Variants in CR1 observed in about 807,000 individuals in gnomAD.
CR1 encodes complement receptor type 1.
In CR1, 116 loss-of-function variants were observed where a neutral mutation model predicts 187.3. The observed-to-expected ratio is 0.62, with a 90% CI of 0.53 to 0.72. CR1 has a LOEUF of 0.72. Among genes scored for constraint, CR1 ranks in the 30% least tolerant of loss-of-function variants. The probability of loss-of-function intolerance (pLI) is 0.00; values close to 1 mark genes in which losing one functional copy is unlikely to be tolerated. For synonymous variants in CR1, 576 were observed against 747.1 expected (o/e 0.77, Z 3.73); for missense variants, 1,731 against 2,110.7 (o/e 0.82, Z 3.52).
chr1:207,608,937 T>A (rs185263292), intron 36 of CR1, among the ~76,000 whole-genome samples: 43 of 152,290 alleles, frequency 2.8e-4, no homozygotes, highest in African/African-American at 9.9e-4. Context: ...AGTGGTATAT[T>A]TAAACTGCAA....
intron 3 of CR1, among the ~76,000 whole-genome samples, chr1:207,510,878 G>A (rs923688504): frequency 1.1e-4 from 16 of 149,070 alleles, no homozygotes; most frequent in African/African-American, 3.7e-4. Flanking sequence ...CTGGAGTGCA[G>A]TGGCATGATC....
At chr1:207,580,124 T>C in intron 29 of CR1, 116 bp from the exon 30 acceptor site, 1 of 1,444,798 alleles carries the variant, frequency 6.9e-7, no homozygotes, top group Non-Finnish European at 9.4e-7. Flanking sequence ...ATTTGGGGCC[T>C]TGTGCTAGGG....
At chr1:207,517,459 C>A (rs1448110416) in intron 4 of CR1, among the ~76,000 whole-genome samples, 4 of 151,968 alleles carry the variant, frequency 2.6e-5, no homozygotes, top group Non-Finnish European at 4.4e-5. Flanking sequence ...CTCAAGAGAT[C>A]TTGGGTTATA....
At position 207,575,715 on chromosome 1, in the gene CR1, A is replaced by T. The variant is rs367918864; in HGVS notation, c.4537+35A>T. 100 of 1,611,442 alleles carry T rather than the reference A, an allele frequency of 6.2e-5. 1 individual carries two copies. In the South Asian group the frequency reaches 1.1e-3, roughly 18 times the overall value. Reference sequence around the variant, plus strand: ...AATCTCTTTCCCCATTCACCCCACCATTGAATCCTAGAGTTGTCCTCCTAG... The same window carrying T: ...AATCTCTTTCCCCATTCACCCCACCTTTGAATCCTAGAGTTGTCCTCCTAG... On this transcript the variant is annotated intron_variant, in intron 28 of 46. Transcript: ENST00000367049.
intron 28 of CR1, among the ~76,000 whole-genome samples, chr1:207,576,913 G>A (rs1053612833): frequency 7.9e-5 from 12 of 152,156 alleles, no homozygotes; most frequent in Admixed American, 7.2e-4. Flanking sequence ...ATTAATAATG[G>A]TGAGATAACA....
chr1:207,498,488 C>T (rs1184884935), intron 1 of CR1, among the ~76,000 whole-genome samples: 5 of 151,976 alleles, frequency 3.3e-5, no homozygotes, highest in African/African-American at 4.8e-5. Context: ...ATAGATATTG[C>T]AAATGTAGGA....
chr1:207,623,211 T>C (rs1217826481), intron 45 of CR1, 143 bp downstream of exon 45: 1 of 611,416 alleles, frequency 1.6e-6, no homozygotes, highest in Non-Finnish European at 2.9e-6. Context: ...ACACACAGTA[T>C]AGACAAAGAG....
At chr1:207,620,520 G>C (rs1227118524) in intron 43 of CR1, among the ~76,000 whole-genome samples, 1 of 152,172 alleles carries the variant, frequency 6.6e-6, no homozygotes, top group Admixed American at 6.5e-5. Context: ...CTGGCAACTG[G>C]AAGGTACTGT....
At chr1:207,590,759 G>A (rs1661245302) in intron 35 of CR1, among the ~76,000 whole-genome samples, 1 of 152,176 alleles carries the variant, frequency 6.6e-6, no homozygotes, top group African/African-American at 2.4e-5. Context: ...ATAAAGGGAT[G>A]GAGGAATATT....
At position 207,581,912 on chromosome 1, in the gene CR1, C is replaced by T. The variant is rs745941394; in HGVS notation, c.5217-6C>T. 4 of 1,610,234 alleles carry T rather than the reference C, an allele frequency of 2.5e-6. No individual in the cohort carries two copies. In the South Asian group the frequency reaches 4.4e-5, roughly 18 times the overall value. ...TTCATCCAGCCACTACTGCTTTGTT[C>T]TTTAGGTTTCGCTTAAAGGGCAGTT... On this transcript the variant is annotated splice_polypyrimidine_tract_variant and splice_region_variant and intron_variant, in intron 31 of 46. Coordinates refer to ENST00000367049, the MANE Select transcript of CR1 (RefSeq NM_000651.6).
At chr1:207,512,723 C>A (rs540525035) in intron 4 of CR1, among the ~76,000 whole-genome samples, 1 of 152,210 alleles carries the variant, frequency 6.6e-6, no homozygotes, top group Admixed American at 6.5e-5. Flanking sequence ...AATTGGGAAA[C>A]CTTCCATCTT....
At chr1:207,607,147 A>T (rs1056817262) in intron 35 of CR1, 104 bp from the exon 36 acceptor site, 1 of 863,508 alleles carries the variant, frequency 1.2e-6, no homozygotes, top group Non-Finnish European at 1.9e-6. Context: ...GCCATGGTGT[A>T]ATCTGTCCTG....
intron 4 of CR1, among the ~76,000 whole-genome samples, chr1:207,520,968 GTTTTTTTTTT>G (rs141546660): frequency 9.0e-5 from 4 of 44,570 alleles, no homozygotes; most frequent in Admixed American, 7.0e-4. Flanking sequence ...TTTTTTGGTT[GTTTTTTTTTT>G]TTTTTTTTTT....
chr1:207,607,892 C>T (rs1661799109), intron 36 of CR1, among the ~76,000 whole-genome samples: 1 of 152,082 alleles, frequency 6.6e-6, no homozygotes, highest in Admixed American at 6.5e-5. Context: ...ACTTTAAAAC[C>T]ATGGAAGAAT....
chr1:207,580,591 G>T lies in CR1; in HGVS notation c.5194G>T (p.Val1732Leu). ...ACTTAATCTCCAGCTTGGGGCAAAGGTGTCCTTTGTCTGTGATGAAGGGTA... is the reference window on the plus strand; with the variant it reads ...ACTTAATCTCCAGCTTGGGGCAAAGTTGTCCTTTGTCTGTGATGAAGGGTA... ...FPLNLQLGAKVSFVCDEGFRL... is the reference protein window; with the variant it reads ...FPLNLQLGAKLSFVCDEGFRL... The change falls in exon 31 of 47, where the codon GTG becomes TTG. Residue 1732 changes from valine to leucine, a missense_variant. Transcript: ENST00000367049. 6.2e-7 allele frequency: 1 copy of T among 1,613,410 alleles called. No individual in the cohort carries two copies. Among genetic ancestry groups the T allele is most frequent in the Non-Finnish European group, 8.5e-7 (1 of 1,179,780 alleles).
intron 1 of CR1, among the ~76,000 whole-genome samples, chr1:207,503,443 T>C (rs1240532725): frequency 1.3e-5 from 2 of 152,202 alleles, no homozygotes; most frequent in African/African-American, 2.4e-5. Flanking sequence ...AATAGATCCA[T>C]AGGGCTGTGT....
chr1:207,513,734 TCCTCCCTCCCTC>T (rs1191099009), intron 4 of CR1, among the ~76,000 whole-genome samples: 8 of 58,294 alleles, frequency 1.4e-4, no homozygotes, highest in East Asian at 6.5e-4. Flanking sequence ...CTCCCTCCTT[TCCTCCCTCCCTC>T]CCTCCCTCCC....
chr1:207,601,107 A>G (rs1326494748), intron 35 of CR1, among the ~76,000 whole-genome samples: 7 of 152,130 alleles, frequency 4.6e-5, no homozygotes, highest in African/African-American at 9.7e-5. Flanking sequence ...AGAAAAAATC[A>G]TAGAAATTAT....
chr1:207,514,676 G>A (rs766974776), intron 4 of CR1, among the ~76,000 whole-genome samples: 3 of 152,016 alleles, frequency 2.0e-5, no homozygotes, highest in Non-Finnish European at 2.9e-5. Context: ...AACCAGCACC[G>A]CCAATTAATT....
Sources: gnomAD v4.1 joint callset for allele counts (sites outside exome capture counted in the v4.1 genomes callset) on GRCh38, gnomAD v4.1.1 for gene constraint, MANE v1.5 for transcripts, NCBI Gene and HGNC (gene_info 2026-07-23, HGNC 2026-07-21) for gene names.